NLGN1: variants seen among roughly 807,000 people sequenced by gnomAD.
NLGN1 encodes neuroligin 1, also known as neuroligin-1.
NLGN1 carries 12 observed loss-of-function variants against 65.5 expected under a neutral mutation model. The observed-to-expected ratio is 0.18, with a 90% CI of 0.12 to 0.30. The LOEUF (loss-of-function observed/expected upper bound fraction) is 0.30, where lower values mean the gene tolerates loss of function less well. Among genes scored for constraint, NLGN1 ranks in the 10% least tolerant of loss-of-function variants. The pLI is 1.00. For missense variants in NLGN1, 750 were observed against 1,007.1 expected (o/e 0.74, Z 3.46); for synonymous variants, 350 against 359.5 (o/e 0.97, Z 0.30).
downstream of NLGN1, among the ~76,000 whole-genome samples, chr3:174,288,491 T>C (rs896106976): frequency 2.6e-5 from 4 of 151,528 alleles, no homozygotes; most frequent in African/African-American, 4.8e-5. Flanking sequence ...ATTGATTTCT[T>C]GCTCTTTTTT....
At chr3:173,895,117 T>G (rs1005666416) in intron 4 of NLGN1, among the ~76,000 whole-genome samples, 1 of 152,112 alleles carries the variant, frequency 6.6e-6, no homozygotes, top group African/African-American at 2.4e-5. Flanking sequence ...TTTCTTGTAG[T>G]TGTACTACTG....
At chr3:173,800,379 C>T in intron 3 of NLGN1, 7 of 966,996 alleles carry the variant, frequency 7.2e-6, no homozygotes, top group Non-Finnish European at 9.7e-6. Flanking sequence ...AATCTATTTG[C>T]ATGACAAGGG....
intron 2 of NLGN1, among the ~76,000 whole-genome samples, chr3:173,459,697 C>G (rs1009593935): frequency 7.9e-5 from 12 of 151,944 alleles, no homozygotes; most frequent in African/African-American, 2.9e-4. Context: ...AAAACTATTG[C>G]CATCAATATA....
Position 173,495,691 on chromosome 3 carries a change from A to AAC in NLGN1, c.-321+60614_-321+60615insCA, listed in dbSNP as rs550926943. Among the ~76,000 whole-genome samples, 1,456 of 150,680 alleles carry AAC rather than the reference A, an allele frequency of 9.7e-3. 19 individuals are homozygous for AAC. The highest frequency in any genetic ancestry group is 0.033 in the South Asian group (158 of 4,778). On this transcript the variant is annotated intron_variant, in intron 2 of 6. Transcript: ENST00000457714. ...TAAGAGTCTTTTTTGAAAAAAAAAA[A>AAC]AAAAAACTCTATTGAGGTATAAATT...
At chr3:174,106,669 G>A (rs1044288207) in intron 4 of NLGN1, among the ~76,000 whole-genome samples, 1 of 151,976 alleles carries the variant, frequency 6.6e-6, no homozygotes, top group Non-Finnish European at 1.5e-5. Flanking sequence ...TATAGGAGGA[G>A]ATTTTTAAAT....
chr3:173,502,093 G>A (rs1342296751), intron 2 of NLGN1, among the ~76,000 whole-genome samples: 1 of 152,040 alleles, frequency 6.6e-6, no homozygotes, highest in African/African-American at 2.4e-5. Context: ...AAGTCACACT[G>A]TAATATTTTT....
At chr3:174,286,497 C>A (rs1355191031) in exon 7 of NLGN1, 1 of 151,472 alleles carries the variant, frequency 6.6e-6, no homozygotes, top group Non-Finnish European at 1.5e-5. Flanking sequence ...TCTCTGCATT[C>A]ATATCATTTA....
At chr3:174,243,775 C>T (rs749116607) in intron 4 of NLGN1, among the ~76,000 whole-genome samples, 8 of 152,154 alleles carry the variant, frequency 5.3e-5, no homozygotes, top group African/African-American at 9.7e-5. Context: ...CCTACAAAAA[C>T]GACAACTATC....
intron 3 of NLGN1, among the ~76,000 whole-genome samples, chr3:173,745,219 A>G (rs1217805368): frequency 6.6e-6 from 1 of 152,050 alleles, no homozygotes; most frequent in Non-Finnish European, 1.5e-5. Flanking sequence ...TAATGTCCTC[A>G]TTACAGATTG....
intron 4 of NLGN1, among the ~76,000 whole-genome samples, chr3:173,846,255 T>G (rs746602712): frequency 6.6e-6 from 1 of 152,200 alleles, no homozygotes; most frequent in African/African-American, 2.4e-5. Context: ...GAGTGAAGAC[T>G]TATTGGAAAG....
chr3:174,116,199 C>T (rs941380034), intron 4 of NLGN1, among the ~76,000 whole-genome samples: 1 of 151,964 alleles, frequency 6.6e-6, no homozygotes, highest in Non-Finnish European at 1.5e-5. Context: ...ATTATTATCA[C>T]CATTCTCATT....
At chr3:174,291,244 G>C (rs1309842476), downstream of NLGN1, among the ~76,000 whole-genome samples, 1 of 150,584 alleles carries the variant, frequency 6.6e-6, no homozygotes. Context: ...TAAGAAGATA[G>C]AAAAAGAAGA....
At chr3:173,571,003 A>C (rs113475800) in intron 2 of NLGN1, among the ~76,000 whole-genome samples, 2 of 152,106 alleles carry the variant, frequency 1.3e-5, no homozygotes, top group African/African-American at 2.4e-5. Flanking sequence ...TGCCCAGCCT[A>C]TTAATTTATT....
At chr3:173,412,734 C>T (rs958806607) in intron 1 of NLGN1, among the ~76,000 whole-genome samples, 3 of 152,106 alleles carry the variant, frequency 2.0e-5, no homozygotes, top group Non-Finnish European at 2.9e-5. Context: ...CAAAAAAAGC[C>T]GTATTCTTAG....
At chr3:173,422,146 T>TATATACACAC (rs398063034) in intron 1 of NLGN1, among the ~76,000 whole-genome samples, 3 of 130,234 alleles carry the variant, frequency 2.3e-5, no homozygotes, top group African/African-American at 8.4e-5. Flanking sequence ...ACACTATATA[T>TATATACACAC]ACACACACAC....
intron 4 of NLGN1, among the ~76,000 whole-genome samples, chr3:173,961,347 C>G (rs1012763950): frequency 6.6e-6 from 1 of 152,022 alleles, no homozygotes; most frequent in East Asian, 1.9e-4. Flanking sequence ...CTGAGGACAT[C>G]TAGCAGAGCT....
intron 5 of NLGN1, among the ~76,000 whole-genome samples, chr3:174,276,484 T>G (rs2152888336): frequency 6.6e-6 from 1 of 152,054 alleles, no homozygotes; most frequent in Non-Finnish European, 1.5e-5. Context: ...TTCTGATCTT[T>G]TATTGTCATT....
intron 3 of NLGN1, among the ~76,000 whole-genome samples, chr3:173,639,480 T>C (rs139558182): frequency 5.3e-5 from 8 of 152,278 alleles, no homozygotes; most frequent in African/African-American, 1.9e-4. Context: ...AGGGATAAGG[T>C]TGGCATCCAG....
At chr3:173,701,649 CTT>C (rs1282491937) in intron 3 of NLGN1, among the ~76,000 whole-genome samples, 14 of 152,276 alleles carry the variant, frequency 9.2e-5, no homozygotes, top group Admixed American at 8.5e-4. Flanking sequence ...ATTAATCTGA[CTT>C]TTCAATTTTA....
Sources: allele counts gnomAD v4.1 joint callset (sites outside exome capture counted in the v4.1 genomes callset), GRCh38; gene constraint gnomAD v4.1.1; transcripts MANE v1.5; gene names NCBI Gene and HGNC (gene_info 2026-07-23, HGNC 2026-07-21).